SUGCT: variants seen among roughly 807,000 people sequenced by gnomAD.
SUGCT encodes succinyl-CoA:glutarate CoA-transferase.
A neutral mutation model predicts 55.0 loss-of-function variants in SUGCT; 41 were observed. The ratio of observed to expected loss-of-function variants is 0.74; its 90% CI spans 0.58 to 0.97. The LOEUF is 0.97. Among genes scored for constraint, SUGCT ranks in the 50% least tolerant of loss-of-function variants. SUGCT has a pLI of 0.00. For synonymous variants in SUGCT, 187 were observed against 200.4 expected, an observed-to-expected ratio of 0.93 and a Z score of 0.56; for missense variants, 568 against 547.8, an observed-to-expected ratio of 1.04 and a Z score of -0.37.
chr7:40,279,975 C>T (rs906479867), intron 8 of SUGCT, among the ~76,000 whole-genome samples: 1 of 152,062 alleles, frequency 6.6e-6, no homozygotes, highest in Non-Finnish European at 1.5e-5. Flanking sequence ...CATTTTCCTA[C>T]TCATTTTGAT....
At chr7:40,585,960 G>T (rs1797354741) in intron 12 of SUGCT, among the ~76,000 whole-genome samples, 1 of 152,122 alleles carries the variant, frequency 6.6e-6, no homozygotes, top group Non-Finnish European at 1.5e-5. Flanking sequence ...GGTTACAGGT[G>T]AGAGCCACTG....
At chr7:40,345,452 A>C (rs1242654350) in intron 9 of SUGCT, among the ~76,000 whole-genome samples, 2 of 152,126 alleles carry the variant, frequency 1.3e-5, no homozygotes, top group Non-Finnish European at 2.9e-5. Flanking sequence ...CAGTCTGAAA[A>C]ATGCTTTTAT....
At chr7:40,881,274 C>G in the SUGCT span, among the ~76,000 whole-genome samples, 1 of 152,206 alleles carries the variant, frequency 6.6e-6, no homozygotes, top group African/African-American at 2.4e-5. Flanking sequence ...CACAACTCTT[C>G]TATGTTTCCT....
At chr7:40,517,389 T>A (rs1323837829) in intron 12 of SUGCT, among the ~76,000 whole-genome samples, 1 of 152,130 alleles carries the variant, frequency 6.6e-6, no homozygotes, top group African/African-American at 2.4e-5. Flanking sequence ...GAATGTTAAA[T>A]AGCATTGGTG....
chr7:40,949,985 C>A, the SUGCT span, among the ~76,000 whole-genome samples: 5 of 152,084 alleles, frequency 3.3e-5, no homozygotes, highest in Non-Finnish European at 7.4e-5. Context: ...TTTTCTAATT[C>A]TGTGAAGAAA....
the SUGCT span, among the ~76,000 whole-genome samples, chr7:40,914,262 T>TTTTTTC: frequency 4.8e-5 from 6 of 125,562 alleles, no homozygotes; most frequent in African/African-American, 2.5e-4. Context: ...TTTTATTTAT[T>TTTTTTC]TATTTTTTTC....
the SUGCT span, among the ~76,000 whole-genome samples, chr7:40,984,900 G>A: frequency 6.6e-6 from 1 of 152,194 alleles, no homozygotes; most frequent in Non-Finnish European, 1.5e-5. Flanking sequence ...CCCTCCAGAA[G>A]TGGCTGCCAA....
At chr7:40,579,869 G>A (rs1371426446) in intron 12 of SUGCT, among the ~76,000 whole-genome samples, 2 of 152,150 alleles carry the variant, frequency 1.3e-5, no homozygotes, top group Non-Finnish European at 2.9e-5. Context: ...GAGTAGGATG[G>A]TTTAGGGATT....
chr7:40,463,701 A>C (rs987189626), intron 11 of SUGCT, among the ~76,000 whole-genome samples: 2 of 152,098 alleles, frequency 1.3e-5, no homozygotes, highest in African/African-American at 4.8e-5. Flanking sequence ...TTCCCCTCAA[A>C]TGCTCTCAAG....
At chr7:40,230,790 A>AAT (rs1301673485) in intron 6 of SUGCT, among the ~76,000 whole-genome samples, 2 of 152,128 alleles carry the variant, frequency 1.3e-5, no homozygotes, top group African/African-American at 2.4e-5. Context: ...TACATGCATA[A>AAT]ATATATATAA....
chr7:40,797,722 C>T (rs1342913027), intron 13 of SUGCT, among the ~76,000 whole-genome samples: 2 of 152,190 alleles, frequency 1.3e-5, no homozygotes, highest in African/African-American at 4.8e-5. Context: ...ATGAACCCCC[C>T]CCAAATAAAT....
chr7:40,217,422 G>T, intron 6 of SUGCT: 1 of 447,684 alleles, frequency 2.2e-6, no homozygotes, highest in Non-Finnish European at 4.5e-6. Context: ...ATGTTGCCCA[G>T]GATGGTCTTG....
At chr7:40,837,621 T>C (rs1320417948) in intron 13 of SUGCT, among the ~76,000 whole-genome samples, 1 of 152,156 alleles carries the variant, frequency 6.6e-6, no homozygotes, top group Non-Finnish European at 1.5e-5. Flanking sequence ...TTTTGCTCTT[T>C]CACCCAGGCT....
the SUGCT span, among the ~76,000 whole-genome samples, chr7:40,901,169 T>C: frequency 6.6e-6 from 1 of 152,224 alleles, no homozygotes. Flanking sequence ...ACATGGACTC[T>C]CAGCAGAACT....
At chr7:40,675,768 G>A (rs906903168) in intron 12 of SUGCT, among the ~76,000 whole-genome samples, 1 of 152,160 alleles carries the variant, frequency 6.6e-6, no homozygotes, top group Non-Finnish European at 1.5e-5. Flanking sequence ...GTAAGAGTTC[G>A]GAGACAGAGG....
intron 12 of SUGCT, among the ~76,000 whole-genome samples, chr7:40,508,358 G>A (rs1281899941): frequency 6.6e-6 from 1 of 152,206 alleles, no homozygotes; most frequent in African/African-American, 2.4e-5. Context: ...GGCAGACCAT[G>A]TCATTTTTGC....
At chr7:40,366,820 C>T (rs550369702) in intron 9 of SUGCT, among the ~76,000 whole-genome samples, 4 of 152,222 alleles carry the variant, frequency 2.6e-5, no homozygotes, top group South Asian at 2.1e-4. Flanking sequence ...GTTGGTGGGA[C>T]TGTAAACTAG....
At chr7:40,295,384 TG>T (rs1187960967) in intron 8 of SUGCT, among the ~76,000 whole-genome samples, 1 of 152,194 alleles carries the variant, frequency 6.6e-6, no homozygotes, top group Admixed American at 6.5e-5. Context: ...GAGACCAGCC[TG>T]ACCAGCATGG....
intron 12 of SUGCT, chr7:40,539,092 A>G (rs187226251): frequency 6.5e-6 from 1 of 152,870 alleles, no homozygotes; most frequent in Admixed American, 6.6e-5. Flanking sequence ...AAAAAAAAAA[A>G]AAAATTTACT....
Sources: gnomAD v4.1 joint callset for allele counts (sites outside exome capture counted in the v4.1 genomes callset) on GRCh38, gnomAD v4.1.1 for gene constraint, MANE v1.5 for transcripts, NCBI Gene and HGNC (gene_info 2026-07-23, HGNC 2026-07-21) for gene names.